The following ERC2 variants were observed in gnomAD, a reference collection of about 807,000 sequenced individuals.
The protein encoded by ERC2 is ERC protein 2.
ERC2 carries 42 observed loss-of-function variants against 114.8 expected under a neutral mutation model. The ratio of observed to expected loss-of-function variants is 0.37; its 90% confidence interval spans 0.29 to 0.47. The LOEUF (loss-of-function observed/expected upper bound fraction) is 0.47. Ranked by LOEUF, ERC2 falls within the 20% of genes least tolerant of loss-of-function variation. ERC2 has a pLI of 0.99. For missense variants in ERC2, 939 were observed against 1,150.7 expected (o/e 0.82, Z 2.66); for synonymous variants, 454 against 425.5 (o/e 1.07, Z -0.82).
intron 14 of ERC2, among the ~76,000 whole-genome samples, chr3:55,746,440 T>C (rs1162874302): frequency 6.6e-6 from 1 of 152,034 alleles, no homozygotes; most frequent in Non-Finnish European, 1.5e-5. Context: ...CACCATGTTA[T>C]CCAGGCTGGT....
At chr3:56,397,018 T>A (rs2060334406) in intron 2 of ERC2, among the ~76,000 whole-genome samples, 1 of 152,100 alleles carries the variant, frequency 6.6e-6, no homozygotes, top group Non-Finnish European at 1.5e-5. Context: ...GGGCACAAGC[T>A]CCTAGAAGAC....
intron 13 of ERC2, among the ~76,000 whole-genome samples, chr3:55,894,493 G>A (rs182081421): frequency 8.5e-5 from 13 of 152,236 alleles, no homozygotes; most frequent in East Asian, 1.9e-4. Flanking sequence ...ACATAGGTAC[G>A]TTGCATGTGG....
chr3:55,826,931 A>C (rs1012071028), intron 14 of ERC2, among the ~76,000 whole-genome samples: 1 of 152,238 alleles, frequency 6.6e-6, no homozygotes, highest in African/African-American at 2.4e-5. Flanking sequence ...GTTATCACTG[A>C]AGAGCCGGCT....
In ERC2 at chr3:55,728,401, C is replaced by T. The variant is rs141158148; in HGVS notation, c.2712+6370G>A. On this transcript the variant is annotated intron_variant, in intron 15 of 17. Coordinates refer to ENST00000288221, the MANE Select transcript of ERC2 (RefSeq NM_015576.3). Reference sequence around the variant, plus strand: ...CAGATTTGACCCAATTGAGCAAGTCCCAGAAGGCTTCCCTGGAGAAGTGAT... The same window carrying T: ...CAGATTTGACCCAATTGAGCAAGTCTCAGAAGGCTTCCCTGGAGAAGTGAT... Among the ~76,000 whole-genome samples, 170 of 152,186 alleles carry T rather than the reference C, an allele frequency of 1.1e-3. 1 individual carries two copies. Among genetic ancestry groups the T allele is most frequent in the Non-Finnish European group, 2.1e-3 (145 of 68,008 alleles).
intron 1 of ERC2, among the ~76,000 whole-genome samples, chr3:56,461,450 G>A (rs548157384): frequency 6.6e-5 from 10 of 152,274 alleles, no homozygotes; most frequent in East Asian, 5.8e-4. Context: ...ACACATTTCC[G>A]TAATCATTGC....
At chr3:55,625,134 G>A (rs1022275725) in intron 17 of ERC2, among the ~76,000 whole-genome samples, 5 of 152,112 alleles carry the variant, frequency 3.3e-5, no homozygotes, top group African/African-American at 9.7e-5. Flanking sequence ...TAGGGAGGCC[G>A]AGGTAGGCGG....
chr3:55,709,601 T>C (rs1228075576), intron 15 of ERC2, among the ~76,000 whole-genome samples: 1 of 152,172 alleles, frequency 6.6e-6, no homozygotes, highest in Non-Finnish European at 1.5e-5. Context: ...GACGCTCTCC[T>C]TCAAGGGCTT....
intron 2 of ERC2, among the ~76,000 whole-genome samples, chr3:56,349,139 T>C (rs2058451840): frequency 6.6e-6 from 1 of 152,220 alleles, no homozygotes; most frequent in South Asian, 2.1e-4. Flanking sequence ...AGTGCTACAT[T>C]ATTTTTTAAG....
chr3:56,358,880 G>C (rs902157391), intron 2 of ERC2, among the ~76,000 whole-genome samples: 1 of 152,184 alleles, frequency 6.6e-6, no homozygotes, highest in African/African-American at 2.4e-5. Context: ...ATTATTCTTA[G>C]TGTCACTATT....
chr3:56,175,168 G>A (rs2082907873), intron 3 of ERC2, among the ~76,000 whole-genome samples: 1 of 152,114 alleles, frequency 6.6e-6, no homozygotes, highest in South Asian at 2.1e-4. Context: ...ACATGTCCAA[G>A]GACCAGTGTG....
chr3:55,827,909 G>C (rs915919460), intron 14 of ERC2, among the ~76,000 whole-genome samples: 1 of 152,196 alleles, frequency 6.6e-6, no homozygotes, highest in Admixed American at 6.5e-5. Context: ...TCACAAAACT[G>C]TTCCACTCAG....
At chr3:56,056,206 G>T (rs1020144973) in intron 7 of ERC2, among the ~76,000 whole-genome samples, 4 of 152,282 alleles carry the variant, frequency 2.6e-5, no homozygotes, top group South Asian at 2.1e-4. Context: ...AAATGCTTTT[G>T]AACACCTGTC....
intron 14 of ERC2, among the ~76,000 whole-genome samples, chr3:55,813,004 C>T (rs1392296041): frequency 2.0e-5 from 3 of 152,236 alleles, no homozygotes; most frequent in African/African-American, 7.2e-5. Context: ...AAGCACTGTA[C>T]ACTTTCTTAT....
chr3:56,379,857 T>C (rs1042654282), intron 2 of ERC2, among the ~76,000 whole-genome samples: 6 of 152,186 alleles, frequency 3.9e-5, no homozygotes, highest in Non-Finnish European at 8.8e-5. Context: ...AAATTTTGTG[T>C]CAACAACTGA....
chr3:56,185,521 C>A (rs2083545941), intron 3 of ERC2, among the ~76,000 whole-genome samples: 1 of 152,150 alleles, frequency 6.6e-6, no homozygotes, highest in Non-Finnish European at 1.5e-5. Flanking sequence ...GCGATTTAGA[C>A]AATGGGACTT....
intron 17 of ERC2, among the ~76,000 whole-genome samples, chr3:55,594,732 C>G (rs2058053338): frequency 6.6e-6 from 1 of 152,158 alleles, no homozygotes; most frequent in African/African-American, 2.4e-5. Context: ...GTTCCACTGA[C>G]CTTGGCCTCC....
intron 2 of ERC2, among the ~76,000 whole-genome samples, chr3:56,316,453 C>G (rs2056867268): frequency 6.6e-6 from 1 of 152,122 alleles, no homozygotes; most frequent in Non-Finnish European, 1.5e-5. Flanking sequence ...ATGTGGGAGA[C>G]TAGTTAAGAA....
chr3:55,602,766 G>A (rs1031765883), intron 17 of ERC2, among the ~76,000 whole-genome samples: 5 of 152,008 alleles, frequency 3.3e-5, no homozygotes, highest in Admixed American at 1.3e-4. Context: ...CCCAATGAAC[G>A]CCTGATCATC....
At chr3:56,086,858 T>C (rs985627144) in intron 6 of ERC2, among the ~76,000 whole-genome samples, 47 of 151,980 alleles carry the variant, frequency 3.1e-4, no homozygotes, top group African/African-American at 1.1e-3. Context: ...GGTAGAGACA[T>C]AAAGTTAAAA....
Sources: allele counts gnomAD v4.1 joint callset (sites outside exome capture counted in the v4.1 genomes callset), GRCh38; gene constraint gnomAD v4.1.1; transcripts MANE v1.5; gene names NCBI Gene and HGNC (gene_info 2026-07-23, HGNC 2026-07-21).